DLC1: variants seen among roughly 807,000 people sequenced by gnomAD.
DLC1 encodes the protein rho GTPase-activating protein 7.
DLC1 carries 54 observed loss-of-function variants against 140.3 expected under a neutral mutation model. The observed-to-expected ratio is 0.38, with a 90% CI of 0.31 to 0.48. DLC1 has a LOEUF of 0.48. Among genes scored for constraint, DLC1 ranks in the 20% least tolerant of loss-of-function variants. The probability of loss-of-function intolerance (pLI) is 0.96; values close to 1 mark genes in which losing one functional copy is unlikely to be tolerated. For synonymous variants in DLC1, 986 were observed against 728.1 expected (o/e 1.35, Z -5.70); for missense variants, 2,536 against 1,907.0 (o/e 1.33, Z -6.14).
intron 5 of DLC1, among the ~76,000 whole-genome samples, chr8:13,297,584 C>A (rs906060475): frequency 6.6e-6 from 1 of 152,016 alleles, no homozygotes; most frequent in African/African-American, 2.4e-5. Flanking sequence ...GGGAGTACTG[C>A]GCTGAATGAA....
chr8:13,174,599 G>C (rs566413849), intron 5 of DLC1, among the ~76,000 whole-genome samples: 13 of 152,252 alleles, frequency 8.5e-5, no homozygotes, highest in African/African-American at 3.1e-4. Flanking sequence ...GTTTTGATTT[G>C]CATTTCTCTG....
intron 5 of DLC1, among the ~76,000 whole-genome samples, chr8:13,179,549 T>A (rs1042922398): frequency 6.6e-6 from 1 of 151,944 alleles, no homozygotes; most frequent in East Asian, 1.9e-4. Flanking sequence ...GGAGAAACCC[T>A]GCCTCAACAA....
intron 1 of DLC1, among the ~76,000 whole-genome samples, chr8:13,582,918 A>ATATATG (rs1563456682): frequency 7.8e-6 from 1 of 127,972 alleles, no homozygotes; most frequent in African/African-American, 3.0e-5. Flanking sequence ...ATATATATAT[A>ATATATG]TGTGGTGTAA....
At chr8:13,588,118 C>T (rs141385947) in intron 1 of DLC1, among the ~76,000 whole-genome samples, 1 of 152,168 alleles carries the variant, frequency 6.6e-6, no homozygotes, top group African/African-American at 2.4e-5. Context: ...GAAGCACAGT[C>T]TGCAAGGATT....
intron 15 of DLC1, among the ~76,000 whole-genome samples, chr8:13,089,144 A>C (rs956211621): frequency 1.3e-5 from 2 of 152,056 alleles, no homozygotes; most frequent in African/African-American, 4.8e-5. Flanking sequence ...CTGTAAGTCC[A>C]GCTACTCAGG....
At chr8:13,491,545 T>A (rs1801242541) in intron 2 of DLC1, among the ~76,000 whole-genome samples, 2 of 152,022 alleles carry the variant, frequency 1.3e-5, no homozygotes, top group Admixed American at 1.3e-4. Context: ...TCTACACTCA[T>A]CCTTGTCCAC....
chr8:13,330,328 C>T (rs912803268), intron 4 of DLC1, among the ~76,000 whole-genome samples: 5 of 152,160 alleles, frequency 3.3e-5, no homozygotes, highest in Non-Finnish European at 5.9e-5. Flanking sequence ...AATAACCCAG[C>T]ACAACCTGGC....
intron 5 of DLC1, among the ~76,000 whole-genome samples, chr8:13,134,728 G>T (rs866847257): frequency 4.6e-5 from 7 of 152,114 alleles, no homozygotes; most frequent in Middle Eastern, 3.2e-3. Flanking sequence ...GGGAACCGAG[G>T]TGGGAGGATT....
At chr8:13,400,113 TAAATA>T (rs1021908225) in intron 3 of DLC1, among the ~76,000 whole-genome samples, 35 of 152,210 alleles carry the variant, frequency 2.3e-4, no homozygotes, top group African/African-American at 8.2e-4. Flanking sequence ...CCAAGGAACA[TAAATA>T]AAGAACAAGA....
chr8:13,445,176 A>T lies in DLC1; in HGVS notation c.1024-43557T>A, dbSNP rs572831796. Among the ~76,000 whole-genome samples the T allele has an allele frequency of 7.9e-5, 12 of 152,240 alleles. No individual in the cohort carries two copies. In the South Asian group the frequency reaches 2.3e-3, roughly 29 times the overall value. On this transcript the variant is annotated intron_variant, in intron 2 of 17. Coordinates refer to ENST00000276297, the MANE Select transcript of DLC1 (RefSeq NM_182643.3). ...AGGGAGAGAGAAAGAGAAAAAGTTT[A>T]TGGTTTTATGGTTGGATCTTATTGC...
At position 13,085,896 on chromosome 8, in the gene DLC1, C is replaced by A. The variant is rs775450083; in HGVS notation, c.4502G>T (p.Gly1501Val). 5 of 1,614,096 alleles carry A rather than the reference C, an allele frequency of 3.1e-6. No individual in the cohort carries two copies. The South Asian group carries it at 3.3e-5, about 11-fold the overall frequency. The stretch of plus-strand genomic sequence containing the variant: ...TACAACTTCAGCTGCACACAAATGT[C>A]CAAAAGATTTTGTGTACCATTCTGG... The part of the protein sequence containing the change: ...HMPEWYTKSF[G>V]HLCAAEVVKI... The change falls in exon 18 of 18, where the codon GGA becomes GTA. Residue 1501 changes from glycine to valine, a missense_variant. By Grantham distance (109) the Gly-to-Val change is moderately radical. Coordinates refer to ENST00000276297, the MANE Select transcript of DLC1 (RefSeq NM_182643.3).
intron 1 of DLC1, among the ~76,000 whole-genome samples, chr8:13,587,544 T>TAC (rs377724474): frequency 0.13 from 18,881 of 141,832 alleles, 1,299 homozygotes; most frequent in Non-Finnish European, 0.16. Context: ...AATGTGACTA[T>TAC]ACACACACAC....
At chr8:13,171,405 C>G (rs983872484) in intron 5 of DLC1, among the ~76,000 whole-genome samples, 1 of 152,112 alleles carries the variant, frequency 6.6e-6, no homozygotes, top group Non-Finnish European at 1.5e-5. Flanking sequence ...TATTTAGTGA[C>G]AGGGTCTTGC....
intron 4 of DLC1, among the ~76,000 whole-genome samples, chr8:13,312,786 A>C (rs984625140): frequency 6.6e-6 from 1 of 152,170 alleles, no homozygotes; most frequent in Non-Finnish European, 1.5e-5. Flanking sequence ...TGTGGTAGCC[A>C]CTTAGAAATA....
In DLC1 at chr8:13,150,563, C is replaced by T. The variant is rs182425635; in HGVS notation, c.1349-34906G>A. On this transcript the variant is annotated intron_variant, in intron 5 of 17. Transcript: ENST00000276297. ...CAGTAAACACAGAAGCCTGCGATGG[C>T]TTTAATATCCTCTTAGACAGAAGCA... Among the ~76,000 whole-genome samples, 32 of 152,320 alleles carry T rather than the reference C, an allele frequency of 2.1e-4. No homozygotes were observed. In the East Asian group the frequency reaches 5.6e-3, roughly 27 times the overall value.
At chr8:13,125,138 G>A (rs779893737) in intron 5 of DLC1, among the ~76,000 whole-genome samples, 4 of 151,944 alleles carry the variant, frequency 2.6e-5, no homozygotes, top group Admixed American at 2.6e-4. Flanking sequence ...GACCACACCC[G>A]GGTAATTTTC....
chr8:13,567,085 G>A (rs1804464002), intron 1 of DLC1: 3 of 1,551,590 alleles, frequency 1.9e-6, no homozygotes, highest in Admixed American at 2.0e-5. Flanking sequence ...TACTGATGAG[G>A]TACAGACTTC....
intron 2 of DLC1, among the ~76,000 whole-genome samples, chr8:13,463,784 G>A (rs1799793671): frequency 2.0e-5 from 3 of 152,124 alleles, no homozygotes; most frequent in Admixed American, 1.3e-4. Flanking sequence ...TAAAGACTGG[G>A]ATTATCATCC....
chr8:13,455,973 T>A (rs560339203), intron 2 of DLC1, among the ~76,000 whole-genome samples: 2 of 152,364 alleles, frequency 1.3e-5, no homozygotes, highest in Admixed American at 1.3e-4. Context: ...AAATTTGTGT[T>A]AATTTTGTTG....
Sources: gnomAD v4.1 joint callset for allele counts (sites outside exome capture counted in the v4.1 genomes callset) on GRCh38, gnomAD v4.1.1 for gene constraint, MANE v1.5 for transcripts, NCBI Gene and HGNC (gene_info 2026-07-23, HGNC 2026-07-21) for gene names.